Variants in CSMD1 observed in about 807,000 individuals in gnomAD.
CSMD1 encodes CUB and sushi domain-containing protein 1.
In CSMD1, 213 loss-of-function variants were observed where a neutral mutation model predicts 417.5. The observed-to-expected ratio is 0.51, with a 90% CI of 0.46 to 0.57. The LOEUF (loss-of-function observed/expected upper bound fraction) is 0.57, where lower values mean the gene tolerates loss of function less well. CSMD1 is among the 20% of genes least tolerant of loss of function. The pLI, the probability that CSMD1 is intolerant of heterozygous loss-of-function variation, is 0.00. For synonymous variants in CSMD1, 2,862 were observed against 1,736.8 expected (o/e 1.65, Z -16.11); for missense variants, 6,923 against 4,529.7 (o/e 1.53, Z -15.17).
chr8:3,637,601 C>G (rs898684450), intron 7 of CSMD1, among the ~76,000 whole-genome samples: 2 of 151,910 alleles, frequency 1.3e-5, no homozygotes, highest in African/African-American at 4.8e-5. Context: ...TATTTTGTTA[C>G]CTAGTATATA....
intron 51 of CSMD1, among the ~76,000 whole-genome samples, chr8:3,020,219 C>G (rs1383042629): frequency 6.6e-6 from 1 of 152,204 alleles, no homozygotes; most frequent in East Asian, 1.9e-4. Context: ...GAAGCCATCC[C>G]TCGCACATAA....
In CSMD1 at chr8:3,581,997, G is replaced by C. The variant is rs575921217; in HGVS notation, c.1222+4139C>G. The stretch of plus-strand genomic sequence containing the variant: ...CTCTGCAGAGACAGAGTTTCACTAT[G>C]TTGGCCAGGTTGGTCTTGAACTCCT... On this transcript the variant is annotated intron_variant, in intron 9 of 69. Coordinates refer to ENST00000635120, the MANE Select transcript of CSMD1 (RefSeq NM_033225.6). 2.0e-5 allele frequency among the ~76,000 whole-genome samples: 3 copies of C among 152,292 alleles called. No homozygotes were observed. The South Asian group carries it at 6.2e-4, about 32-fold the overall frequency.
chr8:3,806,867 C>G (rs1193733210), intron 5 of CSMD1, among the ~76,000 whole-genome samples: 1 of 152,034 alleles, frequency 6.6e-6, no homozygotes, highest in African/African-American at 2.4e-5. Context: ...AATCTAGTAA[C>G]CAATTAACAG....
At chr8:3,171,781 C>G (rs1267104052) in intron 37 of CSMD1, among the ~76,000 whole-genome samples, 3 of 152,160 alleles carry the variant, frequency 2.0e-5, no homozygotes, top group Non-Finnish European at 1.5e-5. Context: ...ATCTAGCTCT[C>G]TATTGAAATA....
At chr8:4,590,980 G>C (rs756521596) in intron 2 of CSMD1, among the ~76,000 whole-genome samples, 15 of 152,146 alleles carry the variant, frequency 9.9e-5, no homozygotes, top group Non-Finnish European at 1.8e-4. Context: ...TCTTATTTTA[G>C]TCTTCATATC....
chr8:4,523,566 T>C (rs533290726), intron 2 of CSMD1, among the ~76,000 whole-genome samples: 2 of 152,180 alleles, frequency 1.3e-5, no homozygotes, highest in South Asian at 2.1e-4. Context: ...GAATATGCAA[T>C]TGTGGTTGCC....
chr8:3,480,778 A>C (rs529178118), intron 11 of CSMD1, among the ~76,000 whole-genome samples: 2 of 152,138 alleles, frequency 1.3e-5, no homozygotes, highest in African/African-American at 2.4e-5. Context: ...GACAACCACA[A>C]ATTCTATATT....
intron 3 of CSMD1, among the ~76,000 whole-genome samples, chr8:4,373,836 G>A (rs555355544): frequency 6.6e-6 from 1 of 152,244 alleles, no homozygotes; most frequent in African/African-American, 2.4e-5. Context: ...CTAGCCAAAG[G>A]AGCTTTTCTA....
At chr8:4,756,863 C>CA (rs1307786777) in intron 1 of CSMD1, among the ~76,000 whole-genome samples, 3 of 152,216 alleles carry the variant, frequency 2.0e-5, no homozygotes, top group Non-Finnish European at 4.4e-5. Context: ...GGGTGGACTT[C>CA]ACTTTTTAAC....
At position 3,516,620 on chromosome 8, in the gene CSMD1, T is replaced by C. The variant is rs1018282707; in HGVS notation, c.1345-22894A>G. Among the ~76,000 whole-genome samples, 7 of 152,180 alleles carry C rather than the reference T, an allele frequency of 4.6e-5. No individual in the cohort carries two copies. In the East Asian group the frequency reaches 1.4e-3, roughly 29 times the overall value. ...AAGTTTAAGAGGATGTTTATTTTTG[T>C]TGTTATTGTTTTTAATTTTAATTAT... On this transcript the variant is annotated intron_variant, in intron 10 of 69. Transcript: ENST00000635120.
chr8:3,813,687 T>G (rs887459591), intron 5 of CSMD1, among the ~76,000 whole-genome samples: 1 of 152,174 alleles, frequency 6.6e-6, no homozygotes, highest in South Asian at 2.1e-4. Context: ...GCCCTGTACT[T>G]TCCAATATTC....
chr8:4,272,102 A>G (rs1203416531), intron 3 of CSMD1, among the ~76,000 whole-genome samples: 1 of 151,932 alleles, frequency 6.6e-6, no homozygotes, highest in Non-Finnish European at 1.5e-5. Context: ...GTACACCCAC[A>G]CCTGTCAGGG....
At chr8:4,351,168 T>A (rs916117604) in intron 3 of CSMD1, among the ~76,000 whole-genome samples, 4 of 151,100 alleles carry the variant, frequency 2.6e-5, no homozygotes, top group African/African-American at 7.3e-5. Flanking sequence ...AAAAAAAAAA[T>A]TAGGGAAAGA....
At chr8:4,109,706 G>A (rs1001111952) in intron 3 of CSMD1, among the ~76,000 whole-genome samples, 2 of 152,122 alleles carry the variant, frequency 1.3e-5, no homozygotes, top group Non-Finnish European at 2.9e-5. Context: ...GGCATATGAT[G>A]CTATGAAAAA....
intron 33 of CSMD1, among the ~76,000 whole-genome samples, chr8:3,195,872 C>A (rs1796677036): frequency 6.6e-6 from 1 of 152,148 alleles, no homozygotes; most frequent in Non-Finnish European, 1.5e-5. Context: ...AAAATGTAGT[C>A]ATGGTTCAGA....
At chr8:4,481,043 G>C (rs1484438758) in intron 2 of CSMD1, among the ~76,000 whole-genome samples, 2 of 152,164 alleles carry the variant, frequency 1.3e-5, no homozygotes, top group African/African-American at 4.8e-5. Flanking sequence ...CCCAACCCAA[G>C]TAGTGACAAG....
chr8:4,494,432 T>G (rs6990919), intron 2 of CSMD1, among the ~76,000 whole-genome samples: 10 of 152,214 alleles, frequency 6.6e-5, no homozygotes, highest in Non-Finnish European at 1.2e-4. Flanking sequence ...ACAATTAGTT[T>G]ATCGCATATA....
At chr8:4,099,334 C>T (rs937934272) in intron 3 of CSMD1, among the ~76,000 whole-genome samples, 1 of 152,054 alleles carries the variant, frequency 6.6e-6, no homozygotes, top group African/African-American at 2.4e-5. Flanking sequence ...TCACTTTCTC[C>T]CATTTTCAAC....
At chr8:3,429,434 T>G (rs1008667369) in intron 12 of CSMD1, among the ~76,000 whole-genome samples, 10 of 152,096 alleles carry the variant, frequency 6.6e-5, no homozygotes, top group Non-Finnish European at 2.9e-5. Context: ...CCAAGGGAAA[T>G]GGAAGCCATG....
Sources: gnomAD v4.1 joint callset for allele counts (sites outside exome capture counted in the v4.1 genomes callset) on GRCh38, gnomAD v4.1.1 for gene constraint, MANE v1.5 for transcripts, NCBI Gene and HGNC (gene_info 2026-07-23, HGNC 2026-07-21) for gene names.